The following FHOD3 variants were observed in gnomAD, a reference collection of about 807,000 sequenced individuals.
The protein encoded by FHOD3 is FH1/FH2 domain-containing protein 3.
Under a neutral mutation model 173.0 loss-of-function variants are expected in FHOD3, and 90 were observed. The ratio of observed to expected loss-of-function variants is 0.52; its 90% confidence interval spans 0.44 to 0.62. FHOD3 has a LOEUF of 0.62. Ranked by LOEUF, FHOD3 falls within the 20% of genes least tolerant of loss-of-function variation. FHOD3 has a pLI of 0.00. For synonymous variants in FHOD3, 828 were observed against 823.0 expected (o/e 1.01, Z -0.10); for missense variants, 1,945 against 2,034.7 (o/e 0.96, Z 0.85).
chr18:36,739,091 A>G (rs774059201), intron 20 of FHOD3, among the ~76,000 whole-genome samples: 10 of 152,174 alleles, frequency 6.6e-5, no homozygotes, highest in Non-Finnish European at 1.3e-4. Flanking sequence ...CTCATTGCTC[A>G]TAGGTATAAG....
chr18:36,730,487 C>T (rs2041300148), intron 19 of FHOD3, among the ~76,000 whole-genome samples, 159 bp from the exon 20 acceptor site: 1 of 152,186 alleles, frequency 6.6e-6, no homozygotes, highest in African/African-American at 2.4e-5. Flanking sequence ...GAACTAATCC[C>T]TGATACTTTC....
intron 17 of FHOD3, among the ~76,000 whole-genome samples, chr18:36,698,583 C>T (rs1168815821): frequency 2.0e-5 from 3 of 151,978 alleles, no homozygotes; most frequent in Non-Finnish European, 4.4e-5. Flanking sequence ...GAGCAAGACC[C>T]CAACTCCAAA....
At chr18:36,360,615 G>T (rs557100339) in intron 2 of FHOD3, among the ~76,000 whole-genome samples, 62 of 152,252 alleles carry the variant, frequency 4.1e-4, no homozygotes, top group South Asian at 1.7e-3. Flanking sequence ...CCTGTTTAGG[G>T]GAACCTGGGG....
chr18:36,668,408 T>G (rs2037320318), intron 14 of FHOD3, among the ~76,000 whole-genome samples: 1 of 152,072 alleles, frequency 6.6e-6, no homozygotes, highest in Non-Finnish European at 1.5e-5. Flanking sequence ...GTCTTCTCTC[T>G]CTTCTTTCCA....
In FHOD3 at chr18:36,709,382, A is replaced by G. The variant is rs2040047126; in HGVS notation, c.2524A>G (p.Arg842Gly). ...EEKEDKLSRDRTTGLWPAGVQ... is the reference protein window; with the variant it reads ...EEKEDKLSRDGTTGLWPAGVQ... ...GAAGGAGGACAAGCTCTCCAGGGACAGGACAACTGGTAAATGAAGCCCCTT... is the reference window on the plus strand; with the variant it reads ...GAAGGAGGACAAGCTCTCCAGGGACGGGACAACTGGTAAATGAAGCCCCTT... Residue 842 changes from arginine (R) to glycine (G), a missense_variant, in exon 18 of 29, where the codon AGG becomes GGG. Physicochemically the swap from Arg to Gly is moderately radical, Grantham distance 125 (BLOSUM62 -2). Around this residue, in one of 5 missense-constraint regions of FHOD3, gnomAD observed 1,099 missense variants for 1,051.2 expected, o/e 1.05. Transcript: ENST00000590592. 1 of 1,612,390 alleles carries G rather than the reference A, an allele frequency of 6.2e-7. No homozygotes were observed. Among genetic ancestry groups the G allele is most frequent in the East Asian group, 2.2e-5 (1 of 44,848 alleles).
chr18:36,656,674 A>G (rs901218247), intron 13 of FHOD3, among the ~76,000 whole-genome samples: 4 of 152,032 alleles, frequency 2.6e-5, no homozygotes, highest in Admixed American at 2.6e-4. Flanking sequence ...TTTTGAGTAT[A>G]TTTTTGCACA....
intron 1 of FHOD3, among the ~76,000 whole-genome samples, chr18:36,343,598 T>TA (rs1245349947): frequency 2.6e-5 from 4 of 151,600 alleles, no homozygotes; most frequent in African/African-American, 7.3e-5. Context: ...AGCTGGCTGT[T>TA]AAAAAAAAGC....
chr18:36,513,706 T>C (rs911528776), intron 5 of FHOD3, among the ~76,000 whole-genome samples: 1 of 151,932 alleles, frequency 6.6e-6, no homozygotes, highest in Non-Finnish European at 1.5e-5. Flanking sequence ...AGAGCCTTCA[T>C]CCCTCTTTCC....
At chr18:36,711,407 T>C (rs2040164752) in intron 18 of FHOD3, 1 of 152,268 alleles carries the variant, frequency 6.6e-6, no homozygotes, top group Non-Finnish European at 1.5e-5. Context: ...CTTTGTTTAA[T>C]GTGTTCTACT....
chr18:36,752,713 C>T (rs1463668210), intron 24 of FHOD3, among the ~76,000 whole-genome samples: 1 of 152,124 alleles, frequency 6.6e-6, no homozygotes, highest in African/African-American at 2.4e-5. Context: ...AATAACATTT[C>T]CAATTTATAT....
intron 13 of FHOD3, among the ~76,000 whole-genome samples, chr18:36,655,392 G>A (rs1262553171): frequency 4.6e-5 from 7 of 152,112 alleles, no homozygotes; most frequent in African/African-American, 1.4e-4. Flanking sequence ...GACCCTTCCC[G>A]TTTGGTCTGC....
chr18:36,777,198 CTTTTTTTTTTT>C (rs11294880), intron 28 of FHOD3, among the ~76,000 whole-genome samples: 5 of 108,888 alleles, frequency 4.6e-5, no homozygotes, highest in African/African-American at 7.5e-5. Context: ...TCTTCTTTTT[CTTTTTTTTTTT>C]TTTTTTTTTT....
rs780465742 is a variant in FHOD3, at chr18:36,718,346, G to T, written c.3048G>T (p.Arg1016Ser). ...IDVLDVDLGH[R>S]EAPGPPPPPP... is the part of the protein sequence containing the mutation. Reference sequence around the variant, plus strand: ...TCCTAGATGTGGACCTGGGTCACAGGGAGGCCCCTGGGCCACCTCCCCCAC... The same window carrying T: ...TCCTAGATGTGGACCTGGGTCACAGTGAGGCCCCTGGGCCACCTCCCCCAC... Residue 1016 changes from arginine (R) to serine (S), a missense_variant, in exon 19 of 29, where the codon AGG becomes AGT. Transcript: ENST00000590592. The T allele has an allele frequency of 6.2e-7, 1 of 1,612,730 alleles. No homozygotes were observed. The highest frequency in any genetic ancestry group is 8.5e-7 in the Non-Finnish European group (1 of 1,179,524).
chr18:36,339,463 G>C (rs1365582748), intron 1 of FHOD3, among the ~76,000 whole-genome samples: 1 of 152,220 alleles, frequency 6.6e-6, no homozygotes, highest in African/African-American at 2.4e-5. Context: ...GGAATTTAAT[G>C]CTATGTGGCT....
chr18:36,522,814 A>C (rs1051454867), intron 5 of FHOD3, among the ~76,000 whole-genome samples: 7 of 152,182 alleles, frequency 4.6e-5, no homozygotes, highest in South Asian at 2.1e-4. Flanking sequence ...ATACCAAGAA[A>C]TGTGTGTGCA....
chr18:36,695,242 C>G (rs536281090), intron 17 of FHOD3, among the ~76,000 whole-genome samples: 208 of 151,160 alleles, frequency 1.4e-3, no homozygotes, highest in African/African-American at 4.8e-3. Context: ...ATCTCAGCTA[C>G]TTAGGAGGCT....
intron 17 of FHOD3, among the ~76,000 whole-genome samples, chr18:36,704,115 C>G (rs944546932): frequency 1.3e-5 from 2 of 152,204 alleles, no homozygotes; most frequent in African/African-American, 4.8e-5. Context: ...AGAAAGTATC[C>G]ATTACCACAT....
chr18:36,438,651 C>G (rs1259254625), intron 3 of FHOD3, among the ~76,000 whole-genome samples: 1 of 152,228 alleles, frequency 6.6e-6, no homozygotes, highest in African/African-American at 2.4e-5. Context: ...TCTCCCTTCC[C>G]CACATATTGC....
chr18:36,426,639 T>C (rs2050262281), intron 3 of FHOD3, among the ~76,000 whole-genome samples: 1 of 152,192 alleles, frequency 6.6e-6, no homozygotes, highest in African/African-American at 2.4e-5. Context: ...GCAGAAAGCA[T>C]AGACATGTGC....
Sources: gnomAD v4.1 joint callset for allele counts (sites outside exome capture counted in the v4.1 genomes callset) on GRCh38, gnomAD v4.1.1 for gene constraint, gnomAD v4.1.1 regional missense constraint, MANE v1.5 for transcripts, NCBI Gene and HGNC (gene_info 2026-07-23, HGNC 2026-07-21) for gene names.